The following RPH3A variants were observed in gnomAD, a reference collection of about 807,000 sequenced individuals.
The protein encoded by RPH3A is rabphilin 3A.
A neutral mutation model predicts 102.2 loss-of-function variants in RPH3A; 48 were observed. That is an observed-to-expected ratio of 0.47 (90% confidence interval 0.37 to 0.60). The LOEUF is 0.60. RPH3A is among the 20% of genes least tolerant of loss of function. The probability of loss-of-function intolerance (pLI) is 0.00; values close to 1 mark genes in which losing one functional copy is unlikely to be tolerated. For missense variants in RPH3A, 781 were observed against 910.1 expected (o/e 0.86, Z 1.83); for synonymous variants, 310 against 324.3 (o/e 0.96, Z 0.47).
At chr12:112,846,060 G>A (rs1231898806) in intron 4 of RPH3A, among the ~76,000 whole-genome samples, 1 of 152,178 alleles carries the variant, frequency 6.6e-6, no homozygotes. Context: ...ACCAGGGGGA[G>A]CAAGGGGCAA....
At chr12:112,636,272 C>T (rs2039848065) in intron 1 of RPH3A, among the ~76,000 whole-genome samples, 1 of 152,148 alleles carries the variant, frequency 6.6e-6, no homozygotes, top group South Asian at 2.1e-4. Context: ...AAACAGGACC[C>T]AGAAATCACA....
At chr12:112,798,560 T>C (rs2041278860) in intron 2 of RPH3A, among the ~76,000 whole-genome samples, 1 of 152,180 alleles carries the variant, frequency 6.6e-6, no homozygotes, top group South Asian at 2.1e-4. Flanking sequence ...AGAAGAGAGA[T>C]GGTTTCTCGA....
chr12:112,866,617 G>C (rs186075271), intron 6 of RPH3A, 140 bp from the exon 7 acceptor site: 1 of 640,808 alleles, frequency 1.6e-6, no homozygotes, highest in Non-Finnish European at 2.7e-6. Flanking sequence ...ATTCTAACTG[G>C]CCTTGCTCAT....
intron 5 of RPH3A, among the ~76,000 whole-genome samples, chr12:112,853,047 G>C (rs1314221769): frequency 6.6e-6 from 1 of 152,176 alleles, no homozygotes; most frequent in Non-Finnish European, 1.5e-5. Context: ...AGAGAGACTT[G>C]TTGTTGACAG....
intron 1 of RPH3A, among the ~76,000 whole-genome samples, chr12:112,642,534 A>C (rs930790514): frequency 1.3e-5 from 2 of 152,150 alleles, no homozygotes; most frequent in African/African-American, 2.4e-5. Context: ...TTATCTGGCA[A>C]TTCTATACAA....
chr12:112,588,689 C>T (rs926872563), intron 1 of RPH3A, among the ~76,000 whole-genome samples: 8 of 152,198 alleles, frequency 5.3e-5, no homozygotes, highest in Admixed American at 2.6e-4. Flanking sequence ...CTCTCCACTG[C>T]ATTCTCAGCA....
intron 2 of RPH3A, among the ~76,000 whole-genome samples, chr12:112,818,153 A>G (rs765502488): frequency 6.6e-6 from 1 of 151,248 alleles, no homozygotes; most frequent in Non-Finnish European, 1.5e-5. Context: ...ACAAAAAATT[A>G]GCCGGGCACA....
chr12:112,896,849 C>A lies in RPH3A; in HGVS notation c.*69C>A. On this transcript the variant is annotated 3_prime_UTR_variant, in exon 22 of 22. Transcript: ENST00000389385. ...GCCTGCTCTAGCTGCCCACCGCACC[C>A]TGATCTCTCTTCTCTATGCCTACCT... The A allele has an allele frequency of 1.3e-6, 2 of 1,573,688 alleles. No homozygotes were observed. The highest frequency in any genetic ancestry group is 1.1e-5 in the South Asian group (1 of 88,124).
intron 1 of RPH3A, among the ~76,000 whole-genome samples, chr12:112,712,390 G>C (rs1176220096): frequency 4.6e-5 from 7 of 152,138 alleles, no homozygotes; most frequent in Non-Finnish European, 8.8e-5. Flanking sequence ...ATGGTCCAAC[G>C]TTGGCAATTT....
At chr12:112,871,106 C>T (rs1593109266) in intron 10 of RPH3A, among the ~76,000 whole-genome samples, 2 of 152,336 alleles carry the variant, frequency 1.3e-5, no homozygotes, top group East Asian at 3.9e-4. Context: ...TGTGTCCAAT[C>T]TCAAAGCCTG....
chr12:112,737,449 T>C (rs2040677400), intron 1 of RPH3A, among the ~76,000 whole-genome samples: 2 of 152,210 alleles, frequency 1.3e-5, no homozygotes, highest in East Asian at 1.9e-4. Flanking sequence ...TCACCATCAT[T>C]ATTATTATTA....
intron 14 of RPH3A, among the ~76,000 whole-genome samples, chr12:112,879,514 A>C (rs1333899869): frequency 6.6e-6 from 1 of 152,202 alleles, no homozygotes; most frequent in Non-Finnish European, 1.5e-5. Context: ...GGTTCTGCCC[A>C]GGAGGAGATG....
intron 1 of RPH3A, among the ~76,000 whole-genome samples, chr12:112,705,455 A>G (rs945454416): frequency 3.3e-5 from 5 of 152,226 alleles, no homozygotes; most frequent in African/African-American, 1.2e-4. Context: ...GAAGAAGGAA[A>G]AATAATTTGT....
At chr12:112,776,767 G>A (rs1268055702) in intron 1 of RPH3A, among the ~76,000 whole-genome samples, 8 of 151,090 alleles carry the variant, frequency 5.3e-5, no homozygotes, top group African/African-American at 9.8e-5. Flanking sequence ...TCAGCTACTC[G>A]GGAGGCTGAG....
At chr12:112,766,131 G>A (rs963213482) in intron 1 of RPH3A, among the ~76,000 whole-genome samples, 11 of 152,154 alleles carry the variant, frequency 7.2e-5, no homozygotes, top group African/African-American at 1.9e-4. Context: ...TCTAGAAGAT[G>A]AGAGCCCAAA....
chr12:112,651,710 A>G (rs373256230), intron 1 of RPH3A: 7 of 152,166 alleles, frequency 4.6e-5, no homozygotes, highest in African/African-American at 1.2e-4. Context: ...CATCATTCCA[A>G]ACAGAAACTC....
chr12:112,677,960 G>T (rs1173898763), intron 1 of RPH3A, among the ~76,000 whole-genome samples: 1 of 152,014 alleles, frequency 6.6e-6, no homozygotes, highest in African/African-American at 2.4e-5. Flanking sequence ...GGAGGCCAAG[G>T]TGGGTGGATC....
intron 1 of RPH3A, among the ~76,000 whole-genome samples, chr12:112,678,448 G>T (rs2040203493): frequency 6.6e-6 from 1 of 151,824 alleles, no homozygotes; most frequent in Admixed American, 6.6e-5. Context: ...AACTTGATCG[G>T]CCTTGAATAT....
chr12:112,643,371 G>T (rs758693258), intron 1 of RPH3A, among the ~76,000 whole-genome samples: 20 of 152,334 alleles, frequency 1.3e-4, no homozygotes, highest in Middle Eastern at 3.4e-3. Flanking sequence ...ACTCCCAGCT[G>T]CTGATGCAGA....
Sources: allele counts gnomAD v4.1 joint callset (sites outside exome capture counted in the v4.1 genomes callset), GRCh38; gene constraint gnomAD v4.1.1; transcripts MANE v1.5; gene names NCBI Gene and HGNC (gene_info 2026-07-23, HGNC 2026-07-21).